CELA3B: variants seen among roughly 807,000 people sequenced by gnomAD.
CELA3B encodes the protein chymotrypsin-like elastase family member 3B.
CELA3B carries 34 observed loss-of-function variants against 37.2 expected under a neutral mutation model. The ratio of observed to expected loss-of-function variants is 0.91; its 90% CI spans 0.70 to 1.22. CELA3B has a LOEUF of 1.22. Among genes scored for constraint, CELA3B ranks in the 50% most tolerant of loss-of-function variants. The pLI, the probability that CELA3B is intolerant of heterozygous loss-of-function variation, is 0.00. For missense variants in CELA3B, 340 were observed against 363.1 expected, an observed-to-expected ratio of 0.94 and a Z score of 0.52; for synonymous variants, 127 against 143.5, an observed-to-expected ratio of 0.89 and a Z score of 0.82.
At chr1:21,983,914 G>A (rs1644821869) in intron 5 of CELA3B, 84 bp downstream of exon 5, 1 of 1,421,366 alleles carries the variant, frequency 7.0e-7, no homozygotes, top group Non-Finnish European at 9.6e-7. Context: ...GTAACACCAA[G>A]ACCAGACCTT....
At chr1:21,983,475 G>A (rs1435504644) in intron 4 of CELA3B, among the ~76,000 whole-genome samples, 8 of 152,186 alleles carry the variant, frequency 5.3e-5, no homozygotes, top group Non-Finnish European at 1.0e-4. Flanking sequence ...GGCCCAGGAG[G>A]CTGCAGTGAG....
Position 21,981,175 on chromosome 1 carries a change from G to C in CELA3B, c.362+3G>C, listed in dbSNP as rs376314273. 1 of 1,611,594 alleles carries C rather than the reference G, an allele frequency of 6.2e-7. No individual in the cohort carries two copies. Among genetic ancestry groups the C allele is most frequent in the Non-Finnish European group, 8.5e-7 (1 of 1,179,836 alleles). On this transcript the variant is annotated splice_donor_region_variant and intron_variant, in intron 4 of 7. Transcript: ENST00000337107. ...AACCGCTCGTGTGTGGCCTGTGGGT[G>C]AGTGAATGCTCCGGTCTGGAACCCA...
At chr1:21,998,437 A>T (rs12032777) in exon 5 of CELA3B, 65,263 of 293,840 alleles carry the variant, frequency 0.22, 9,327 homozygotes, top group East Asian at 0.4. Context: ...ACATCTATTA[A>T]TATCTCTAGA....
rs1284532725 is a variant in CELA3B at position 21,987,151 on chromosome 1, A to C, written c.795+468A>C. 8 of 208,768 alleles carry C rather than the reference A, an allele frequency of 3.8e-5. No homozygotes were observed. The Admixed American group carries it at 7.7e-4, about 20-fold the overall frequency. The allele number at this position is 208,768 out of a possible 1,614,324, so 12.9% of individuals were successfully genotyped here. ...CAGTAATAGCTAAACAAAAAAAAAA[A>C]AGAAAAAAAAAAAGAGTAATAGCTG... On this transcript the variant is annotated intron_variant, in intron 7 of 7. Coordinates refer to ENST00000337107, the MANE Select transcript of CELA3B (RefSeq NM_007352.4).
In CELA3B at chr1:21,986,564, G is replaced by C; in HGVS notation, c.676G>C (p.Glu226Gln). 6.2e-7 allele frequency: 1 copy of C among 1,614,076 alleles called. No individual in the cohort carries two copies. The highest frequency in any genetic ancestry group is 8.5e-7 in the Non-Finnish European group (1 of 1,180,008). The change falls in exon 7 of 8, where the codon GAG becomes CAG. Residue 226 changes from glutamate to glutamine, a missense_variant. By Grantham distance (29) the Glu-to-Gln change is conservative. Coordinates refer to ENST00000337107, the MANE Select transcript of CELA3B (RefSeq NM_007352.4). Reference sequence around the variant, plus strand: ...TGGAGGACCCCTCAACTGCCCCACAGAGGATGGTGGCTGGCAGGTCCATGG... The same window carrying C: ...TGGAGGACCCCTCAACTGCCCCACACAGGATGGTGGCTGGCAGGTCCATGG... ...DSGGPLNCPT[E>Q]DGGWQVHGVT...
chr1:21,982,148 G>C (rs12024382), intron 4 of CELA3B, among the ~76,000 whole-genome samples: 126,206 of 152,098 alleles, frequency 0.83, 54,082 homozygotes, highest in South Asian at 0.94. Context: ...CAATATGATG[G>C]AAACCTCAAC....
chr1:21,992,342 A>G (rs1482615144), downstream of CELA3B, among the ~76,000 whole-genome samples: 1 of 151,390 alleles, frequency 6.6e-6, no homozygotes, highest in Non-Finnish European at 1.5e-5. Flanking sequence ...GCAGTGCACT[A>G]TGGTCGCACC....
chr1:21,983,065 C>T (rs1450624322), intron 4 of CELA3B, among the ~76,000 whole-genome samples: 2 of 152,088 alleles, frequency 1.3e-5, no homozygotes, highest in Non-Finnish European at 2.9e-5. Context: ...ATTGCTCAGC[C>T]TTGGCTGGGC....
intron 2 of CELA3B, among the ~76,000 whole-genome samples, chr1:21,979,785 C>T (rs1343097599): frequency 1.3e-5 from 2 of 149,712 alleles, no homozygotes. Flanking sequence ...TCAATAGTCA[C>T]ATGTGGCTAG....
intron 6 of CELA3B, among the ~76,000 whole-genome samples, chr1:21,984,817 G>A (rs914536520): frequency 4.6e-5 from 7 of 151,248 alleles, no homozygotes; most frequent in East Asian, 1.9e-4. Context: ...CATGGTGGCC[G>A]GTGCCTGTAA....
chr1:21,987,888 A>T (rs1471732122), intron 7 of CELA3B: 1 of 151,726 alleles, frequency 6.6e-6, no homozygotes, highest in Non-Finnish European at 1.5e-5. Flanking sequence ...CGCAAGGATG[A>T]CATGCAAAGT....
Position 21,980,930 on chromosome 1 carries a change from T to G in CELA3B, c.227+9T>G, listed in dbSNP as rs376134581. ...GCCGGCCACTGCATCTCGTGAGTTCTCTACCCTGTCCCTGCCTGTGGCCCC... is the reference window on the plus strand; with the variant it reads ...GCCGGCCACTGCATCTCGTGAGTTCGCTACCCTGTCCCTGCCTGTGGCCCC... On this transcript the variant is annotated intron_variant, in intron 3 of 7. Transcript: ENST00000337107. 3.7e-6 allele frequency: 6 copies of G among 1,613,788 alleles called. No homozygotes were observed. The African/African-American group carries it at 5.3e-5, about 14-fold the overall frequency.
intron 7 of CELA3B, among the ~76,000 whole-genome samples, chr1:21,988,152 C>T (rs1644850180): frequency 1.3e-5 from 2 of 151,630 alleles, no homozygotes; most frequent in South Asian, 4.2e-4. Flanking sequence ...GCGGAGGTTG[C>T]AGTGCGCCGA....
chr1:21,981,719 C>T (rs575558171), intron 4 of CELA3B, among the ~76,000 whole-genome samples: 13 of 116,582 alleles, frequency 1.1e-4, no homozygotes, highest in South Asian at 6.9e-4. Flanking sequence ...TTCAAGTGTA[C>T]AAAAAATTCT....
At chr1:21,980,511 G>C (rs58598600) in intron 2 of CELA3B, among the ~76,000 whole-genome samples, 5 of 149,958 alleles carry the variant, frequency 3.3e-5, no homozygotes, top group Non-Finnish European at 1.5e-5. Context: ...CGAGGGGTGC[G>C]TGATAGAACA....
At chr1:21,988,715 C>T (rs1644854419) in intron 7 of CELA3B, among the ~76,000 whole-genome samples, 2 of 151,608 alleles carry the variant, frequency 1.3e-5, no homozygotes, top group African/African-American at 2.4e-5. Context: ...CAAGGTGAAA[C>T]CCTGTCTCTA....
downstream of CELA3B, among the ~76,000 whole-genome samples, chr1:21,994,027 A>T (rs1275208220): frequency 6.6e-6 from 1 of 150,976 alleles, no homozygotes; most frequent in Non-Finnish European, 1.5e-5. Flanking sequence ...CATAAGCTGG[A>T]TCATGTTCTC....
rs1339273537 is a variant in CELA3B, at chr1:21,978,369, C to T, written c.44C>T (p.Ala15Val). The T allele has an allele frequency of 1.2e-6, 2 of 1,613,964 alleles. No homozygotes were observed. Among genetic ancestry groups the T allele is most frequent in the African/African-American group, 2.7e-5 (2 of 74,948 alleles). The change falls in exon 2 of 8, where the codon GCC (alanine) becomes GTC (valine). Residue 15 changes from alanine to valine, a missense_variant and splice_region_variant. Ala to Val is a moderately conservative substitution (Grantham distance 64, BLOSUM62 0). Transcript: ENST00000337107. The part of the protein sequence containing the change: ...LLSSLLLVAV[A>V]SGYGPPSSRP... ...TTGACAGCTCTCCTCTCCCCTCTAG[C>T]CTCAGGCTATGGCCCACCTTCCTCT... is the stretch of plus-strand genomic sequence containing the variant.
At chr1:21,987,052 G>C (rs1261531928) in intron 7 of CELA3B, 7 of 372,900 alleles carry the variant, frequency 1.9e-5, no homozygotes, top group Non-Finnish European at 3.2e-5. Flanking sequence ...GATGAGAGCC[G>C]AGAGAGGGGA....
Sources: gnomAD v4.1 joint callset for allele counts (sites outside exome capture counted in the v4.1 genomes callset) on GRCh38, gnomAD v4.1.1 for gene constraint, MANE v1.5 for transcripts, NCBI Gene and HGNC (gene_info 2026-07-23, HGNC 2026-07-21) for gene names.